KCND2: variants seen among roughly 807,000 people sequenced by gnomAD.
The protein encoded by KCND2 is potassium voltage-gated channel subfamily D member 2, also known as A-type voltage-gated potassium channel KCND2.
Under a neutral mutation model 54.4 loss-of-function variants are expected in KCND2, and 16 were observed. The ratio of observed to expected loss-of-function variants is 0.29; its 90% CI spans 0.20 to 0.45. KCND2 has a LOEUF of 0.45. Among genes scored for constraint, KCND2 ranks in the 20% least tolerant of loss-of-function variants. KCND2 has a pLI of 1.00. For synonymous variants in KCND2, 317 were observed against 310.7 expected, an observed-to-expected ratio of 1.02 and a Z score of -0.21; for missense variants, 486 against 824.2, an observed-to-expected ratio of 0.59 and a Z score of 5.02.
intron 1 of KCND2, among the ~76,000 whole-genome samples, chr7:120,614,763 A>G (rs1278477702): frequency 1.3e-5 from 2 of 152,244 alleles, no homozygotes; most frequent in African/African-American, 4.8e-5. Context: ...ACTTTGTATT[A>G]AAATGAACAA....
chr7:120,433,838 A>C (rs540502403), intron 1 of KCND2, among the ~76,000 whole-genome samples: 1 of 152,316 alleles, frequency 6.6e-6, no homozygotes, highest in East Asian at 1.9e-4. Context: ...ATGAAATAAA[A>C]GAAGTTTTAG....
chr7:120,589,005 A>C (rs1486240669), intron 1 of KCND2, among the ~76,000 whole-genome samples: 1 of 152,174 alleles, frequency 6.6e-6, no homozygotes, highest in Non-Finnish European at 1.5e-5. Context: ...AAAGCAATAA[A>C]ACATTAACCA....
rs777704866 is a variant in KCND2 at position 120,686,546 on chromosome 7, T to G, written c.1116-46357T>G. ...CAAGTTTTAGAGCAGGAGCGAAAGT[T>G]TATTAAAAAGTATTAGAGCAAGAAC... On this transcript the variant is annotated intron_variant, in intron 1 of 5. Transcript: ENST00000331113. Among the ~76,000 whole-genome samples, 19 of 152,058 alleles carry G rather than the reference T, an allele frequency of 1.2e-4. 1 individual carries two copies. Among genetic ancestry groups the G allele is most frequent in the South Asian group, 6.2e-4 (3 of 4,818 alleles).
intron 1 of KCND2, among the ~76,000 whole-genome samples, chr7:120,345,578 C>G (rs1283171343): frequency 1.3e-5 from 2 of 152,150 alleles, no homozygotes; most frequent in African/African-American, 4.8e-5. Flanking sequence ...AACCACCATT[C>G]CACTTTTTCT....
chr7:120,480,002 T>TA (rs1802583662), intron 1 of KCND2, among the ~76,000 whole-genome samples: 1 of 149,936 alleles, frequency 6.7e-6, no homozygotes, highest in South Asian at 2.1e-4. Context: ...TATGAGCTTA[T>TA]AGATTTACAA....
rs894673244 is a variant in KCND2 at position 120,293,900 on chromosome 7, A to G, written c.1115+18153A>G. On this transcript the variant is annotated intron_variant, in intron 1 of 5. Transcript: ENST00000331113. ...ATTAGTAGTTGTAATGTCAACTGTG[A>G]GTCTAGATGTAGAAATGCTGTTTAA... is the stretch of plus-strand genomic sequence containing the variant. Among the ~76,000 whole-genome samples the G allele has an allele frequency of 2.0e-5, 3 of 152,056 alleles. No individual in the cohort carries two copies. In the South Asian group the frequency reaches 6.2e-4, roughly 32 times the overall value.
chr7:120,417,952 A>C (rs971308201), intron 1 of KCND2, among the ~76,000 whole-genome samples: 13 of 152,200 alleles, frequency 8.5e-5, no homozygotes, highest in Non-Finnish European at 1.6e-4. Flanking sequence ...TTATTTTAGA[A>C]ATAGGATAAA....
At chr7:120,351,365 TACACACACACAC>T (rs59756091) in intron 1 of KCND2, among the ~76,000 whole-genome samples, 2,811 of 94,750 alleles carry the variant, frequency 0.03, 126 homozygotes, top group African/African-American at 0.098. Flanking sequence ...TCGAAGAGCA[TACACACACACAC>T]ACACACACAC....
In KCND2 at chr7:120,275,093, C is replaced by T; in HGVS notation, c.461C>T (p.Thr154Ile). ...NAERLQDDAD[T>I]DTAGESALPT... is the part of the protein sequence containing the mutation. ...GAGCGCCTGCAGGACGACGCGGATA[C>T]CGACACCGCTGGGGAGAGCGCCTTG... Residue 154 changes from threonine (T) to isoleucine (I), a missense_variant, in exon 1 of 6, where the codon ACC (threonine) becomes ATC (isoleucine). Physicochemically the swap from Thr to Ile is moderately conservative, Grantham distance 89. Transcript: ENST00000331113. 1 of 1,613,790 alleles carries T rather than the reference C, an allele frequency of 6.2e-7. No homozygotes were observed. Among genetic ancestry groups the T allele is most frequent in the Non-Finnish European group, 8.5e-7 (1 of 1,179,932 alleles).
rs139287638 is a variant in KCND2, at chr7:120,438,955, C to T, written c.1115+163208C>T. Among the ~76,000 whole-genome samples, 234 of 152,196 alleles carry T rather than the reference C, an allele frequency of 1.5e-3. 1 individual carries two copies. The highest frequency in any genetic ancestry group is 2.8e-3 in the Non-Finnish European group (187 of 67,974). On this transcript the variant is annotated intron_variant, in intron 1 of 5. Transcript: ENST00000331113. The stretch of plus-strand genomic sequence containing the variant: ...TATTTATTAACTTTCTTATTCATGT[C>T]AGAATCCTGTTCTAGGCACTTAAAT...
chr7:120,655,870 A>G (rs974561114), intron 1 of KCND2, among the ~76,000 whole-genome samples: 11 of 152,128 alleles, frequency 7.2e-5, no homozygotes, highest in Non-Finnish European at 1.3e-4. Flanking sequence ...TCCTACAATA[A>G]TAATTGTGAT....
chr7:120,448,206 T>A (rs1584783034), intron 1 of KCND2, among the ~76,000 whole-genome samples: 3 of 123,536 alleles, frequency 2.4e-5, no homozygotes, highest in African/African-American at 9.2e-5. Flanking sequence ...CAGGCCCCAG[T>A]GTGTGATGTT....
At chr7:120,346,930 A>G (rs1036937618) in intron 1 of KCND2, among the ~76,000 whole-genome samples, 3 of 152,154 alleles carry the variant, frequency 2.0e-5, no homozygotes, top group African/African-American at 7.2e-5. Context: ...AAAGAGGAGG[A>G]TGTGAGAGGT....
At chr7:120,358,076 A>G (rs952939181) in intron 1 of KCND2, among the ~76,000 whole-genome samples, 3 of 152,156 alleles carry the variant, frequency 2.0e-5, no homozygotes, top group Admixed American at 6.6e-5. Flanking sequence ...AACATGCTGG[A>G]ACAAAAGGAG....
intron 1 of KCND2, among the ~76,000 whole-genome samples, chr7:120,504,297 A>G (rs1454590150): frequency 6.6e-6 from 1 of 151,974 alleles, no homozygotes; most frequent in Admixed American, 6.6e-5. Context: ...GAGTTATCAG[A>G]GAGTCCCTTA....
intron 4 of KCND2, among the ~76,000 whole-genome samples, chr7:120,745,168 G>A (rs1394308769): frequency 1.3e-5 from 2 of 152,122 alleles, no homozygotes; most frequent in African/African-American, 4.8e-5. Context: ...AACACAGAGT[G>A]ACACATTCGG....
intron 1 of KCND2, among the ~76,000 whole-genome samples, chr7:120,276,906 G>C (rs1173325004): frequency 6.6e-6 from 1 of 152,038 alleles, no homozygotes; most frequent in African/African-American, 2.4e-5. Flanking sequence ...TACTATTCTT[G>C]CATAGGTAAT....
intron 1 of KCND2, among the ~76,000 whole-genome samples, chr7:120,422,435 G>A (rs1187561138): frequency 6.6e-6 from 1 of 152,118 alleles, no homozygotes; most frequent in East Asian, 1.9e-4. Flanking sequence ...ATCTGGGTTT[G>A]CGCTAGTTCC....
chr7:120,667,226 C>T (rs771322978), intron 1 of KCND2, among the ~76,000 whole-genome samples: 2 of 151,878 alleles, frequency 1.3e-5, no homozygotes, highest in East Asian at 1.9e-4. Flanking sequence ...GTATGGCTGC[C>T]GGTTAGAGTG....
Sources: gnomAD v4.1 joint callset for allele counts (sites outside exome capture counted in the v4.1 genomes callset) on GRCh38, gnomAD v4.1.1 for gene constraint, MANE v1.5 for transcripts, NCBI Gene and HGNC (gene_info 2026-07-23, HGNC 2026-07-21) for gene names.